THSD7B: variants seen among roughly 807,000 people sequenced by gnomAD.
The protein encoded by THSD7B is thrombospondin type-1 domain-containing protein 7B.
A neutral mutation model predicts 213.6 loss-of-function variants in THSD7B; 138 were observed. The ratio of observed to expected loss-of-function variants is 0.65; its 90% CI spans 0.56 to 0.74. THSD7B has a LOEUF of 0.74. THSD7B is among the 30% of genes least tolerant of loss of function. The pLI, the probability that THSD7B is intolerant of heterozygous loss-of-function variation, is 0.00. For missense variants in THSD7B, 1,931 were observed against 1,991.5 expected, an observed-to-expected ratio of 0.97 and a Z score of 0.58; for synonymous variants, 742 against 687.0, an observed-to-expected ratio of 1.08 and a Z score of -1.25.
intron 12 of THSD7B, among the ~76,000 whole-genome samples, chr2:137,310,618 TA>T (rs1404811182): frequency 1.3e-5 from 2 of 152,114 alleles, no homozygotes; most frequent in African/African-American, 4.8e-5. Flanking sequence ...GGTTTTCTTC[TA>T]GGGTTTTTAT....
At chr2:137,378,477 T>A (rs1685709464) in intron 12 of THSD7B, among the ~76,000 whole-genome samples, 1 of 152,158 alleles carries the variant, frequency 6.6e-6, no homozygotes. Context: ...GCAAGCTACT[T>A]TTTGTACTTA....
chr2:137,295,751 G>A (rs1234231295), intron 12 of THSD7B, among the ~76,000 whole-genome samples: 3 of 152,116 alleles, frequency 2.0e-5, no homozygotes, highest in Non-Finnish European at 2.9e-5. Flanking sequence ...TGGGATTACA[G>A]GCATGAGCCA....
At chr2:137,376,683 C>A (rs1685664086) in intron 12 of THSD7B, among the ~76,000 whole-genome samples, 1 of 152,174 alleles carries the variant, frequency 6.6e-6, no homozygotes, top group Non-Finnish European at 1.5e-5. Context: ...CATAAAGCTT[C>A]TAGCATATTG....
chr2:137,225,060 C>T (rs979813530), intron 7 of THSD7B, among the ~76,000 whole-genome samples: 4 of 152,012 alleles, frequency 2.6e-5, no homozygotes, highest in Non-Finnish European at 4.4e-5. Flanking sequence ...TCTATCAGTT[C>T]TTAGAACTTC....
chr2:137,112,986 G>T (rs1688375828), intron 4 of THSD7B, among the ~76,000 whole-genome samples: 1 of 152,186 alleles, frequency 6.6e-6, no homozygotes, highest in African/African-American at 2.4e-5. Context: ...AAACCAAGTT[G>T]GTTGGACTCC....
chr2:136,852,304 C>CAAACA (rs70975718), intron 1 of THSD7B, among the ~76,000 whole-genome samples: 34,248 of 148,636 alleles, frequency 0.23, 4,373 homozygotes, highest in Non-Finnish European at 0.29. Context: ...TGAAAGCTGG[C>CAAACA]AAACAAAACA....
At chr2:137,403,574 C>A (rs148320080) in intron 12 of THSD7B, among the ~76,000 whole-genome samples, 2 of 152,176 alleles carry the variant, frequency 1.3e-5, no homozygotes, top group African/African-American at 2.4e-5. Flanking sequence ...TAACATACAG[C>A]GTGTCTAAGG....
At chr2:137,312,036 G>T (rs1683924630) in intron 12 of THSD7B, among the ~76,000 whole-genome samples, 1 of 148,698 alleles carries the variant, frequency 6.7e-6, no homozygotes, top group Non-Finnish European at 1.5e-5. Context: ...GAGTTAGGGA[G>T]AATTCCCTCT....
intron 2 of THSD7B, among the ~76,000 whole-genome samples, chr2:137,006,450 G>A (rs1686114459): frequency 6.7e-6 from 1 of 148,522 alleles, no homozygotes; most frequent in Non-Finnish European, 1.5e-5. Flanking sequence ...ATACATATAG[G>A]TTGTATATGA....
intron 18 of THSD7B, among the ~76,000 whole-genome samples, chr2:137,617,063 G>A (rs887022871): frequency 1.3e-5 from 2 of 152,198 alleles, no homozygotes; most frequent in African/African-American, 4.8e-5. Flanking sequence ...AGCCATGTTG[G>A]CTCTGCTGAG....
At chr2:136,922,802 C>T (rs1357726852) in intron 2 of THSD7B, among the ~76,000 whole-genome samples, 2 of 152,166 alleles carry the variant, frequency 1.3e-5, no homozygotes, top group South Asian at 2.1e-4. Context: ...AACAGGAAAG[C>T]GAAACATTTA....
At chr2:137,197,749 CTT>C (rs1480204313) in intron 7 of THSD7B, among the ~76,000 whole-genome samples, 1 of 152,190 alleles carries the variant, frequency 6.6e-6, no homozygotes, top group East Asian at 1.9e-4. Context: ...TCAGCATTCT[CTT>C]AACATTTTAG....
At chr2:137,149,278 G>A (rs1014004092) in intron 5 of THSD7B, among the ~76,000 whole-genome samples, 4 of 152,142 alleles carry the variant, frequency 2.6e-5, no homozygotes, top group African/African-American at 9.7e-5. Flanking sequence ...TGGATGTCCA[G>A]GCAGAAGTTT....
At chr2:137,255,955 ACACTTTGTTTT>A in intron 10 of THSD7B, among the ~76,000 whole-genome samples, 1 of 152,014 alleles carries the variant, frequency 6.6e-6, no homozygotes, top group South Asian at 2.1e-4. Context: ...CTTTTATTCA[ACACTTTGTTTT>A]CAGTTAAAAT....
At chr2:137,621,918 G>A (rs1682526420) in intron 20 of THSD7B, among the ~76,000 whole-genome samples, 3 of 152,132 alleles carry the variant, frequency 2.0e-5, no homozygotes, top group Admixed American at 2.0e-4. Flanking sequence ...AGGAGAGAAG[G>A]TGTTCGTAAA....
intron 2 of THSD7B, among the ~76,000 whole-genome samples, chr2:136,967,409 A>G (rs1685338874): frequency 6.6e-6 from 1 of 152,068 alleles, no homozygotes; most frequent in Non-Finnish European, 1.5e-5. Context: ...TCATTTGCCA[A>G]ATTCTATTAA....
intron 14 of THSD7B, among the ~76,000 whole-genome samples, chr2:137,429,296 T>C (rs1366371994): frequency 6.6e-6 from 1 of 152,206 alleles, no homozygotes; most frequent in Non-Finnish European, 1.5e-5. Flanking sequence ...TTTAAATTCA[T>C]GAATTATATG....
Position 137,546,415 on chromosome 2 carries a change from TTA to T in THSD7B, c.3139-16798_3139-16797del, listed in dbSNP as rs1299890799. On this transcript the variant is annotated intron_variant, in intron 15 of 27. Coordinates refer to ENST00000409968, the MANE Select transcript of THSD7B (RefSeq NM_001316349.2). ...ATATATTATATATATTATATATATATTATATATATTATATATATATTATATAT... is the reference window on the plus strand; with the variant it reads ...ATATATTATATATATTATATATATATTATATATTATATATATATTATATAT... 1.6e-3 allele frequency among the ~76,000 whole-genome samples: 41 copies of T among 25,526 alleles called. 4 individuals are homozygous for T. The highest frequency in any genetic ancestry group is 9.2e-3 in the African/African-American group (37 of 4,036). 16.7% of individuals were successfully genotyped at this position (25,526 alleles called of 152,430 possible).
intron 1 of THSD7B, among the ~76,000 whole-genome samples, chr2:136,879,900 C>T (rs1683591292): frequency 6.6e-6 from 1 of 152,104 alleles, no homozygotes; most frequent in South Asian, 2.1e-4. Flanking sequence ...GGGATCAATT[C>T]AACAAGAAGA....
Sources: allele counts gnomAD v4.1 joint callset (sites outside exome capture counted in the v4.1 genomes callset), GRCh38; gene constraint gnomAD v4.1.1; transcripts MANE v1.5; gene names NCBI Gene and HGNC (gene_info 2026-07-23, HGNC 2026-07-21).